MAPT: variants seen among roughly 807,000 people sequenced by gnomAD.
MAPT encodes microtubule-associated protein tau.
In MAPT, 34 loss-of-function variants were observed where a neutral mutation model predicts 67.9. That is an observed-to-expected ratio of 0.50 (90% confidence interval 0.38 to 0.67). The LOEUF (loss-of-function observed/expected upper bound fraction) is 0.67. Ranked by LOEUF, MAPT falls within the 30% of genes least tolerant of loss-of-function variation. MAPT has a pLI of 0.00. For synonymous variants in MAPT, 456 were observed against 464.5 expected (o/e 0.98, Z 0.23); for missense variants, 881 against 1,115.2 (o/e 0.79, Z 2.99).
chr17:45,972,173 T>C, intron 3 of MAPT: 1 of 683,784 alleles, frequency 1.5e-6, no homozygotes, highest in East Asian at 2.8e-5. Context: ...CAGCCACCCT[T>C]GGACAGTCCC....
intron 1 of MAPT, among the ~76,000 whole-genome samples, chr17:45,958,961 G>A (rs2070065090): frequency 6.6e-6 from 1 of 152,182 alleles, no homozygotes; most frequent in Admixed American, 6.5e-5. Context: ...TACTCGGGAG[G>A]CTGAGACAGG....
At chr17:45,969,909 G>A (rs558175763) in intron 2 of MAPT, among the ~76,000 whole-genome samples, 1 of 148,016 alleles carries the variant, frequency 6.8e-6, no homozygotes, top group East Asian at 2.1e-4. Context: ...TTATCCATTT[G>A]ATCATACATA....
Position 45,911,390 on chromosome 17 carries a change from G to A in MAPT, c.-18+16704G>A, listed in dbSNP as rs548802417. Among the ~76,000 whole-genome samples the A allele has an allele frequency of 2.6e-5, 4 of 152,344 alleles. No individual in the cohort carries two copies. The East Asian group carries it at 7.7e-4, about 29-fold the overall frequency. On this transcript the variant is annotated intron_variant, in intron 1 of 12. Coordinates refer to ENST00000262410, the MANE Select transcript of MAPT (RefSeq NM_001377265.1). ...TGCGCCTGTAGTCCCAGCTGCTGGG[G>A]AATCTGAGGCAGGAGGATCTCTTGA...
intron 1 of MAPT, chr17:45,898,883 G>A (rs1441154682): frequency 1.3e-5 from 2 of 152,216 alleles, no homozygotes; most frequent in African/African-American, 2.4e-5. Flanking sequence ...GGGAAACTGC[G>A]TTTGACTCTG....
chr17:45,974,605 G>A (rs2072122920), intron 3 of MAPT: 5 of 709,286 alleles, frequency 7.0e-6, no homozygotes, highest in South Asian at 3.4e-5. Flanking sequence ...TCTGGCTCCT[G>A]GGAATCTTGG....
intron 9 of MAPT, among the ~76,000 whole-genome samples, chr17:46,009,458 C>G (rs2075675402): frequency 8.2e-6 from 1 of 122,332 alleles, no homozygotes; most frequent in Non-Finnish European, 2.1e-5. Context: ...GAAATGCAGT[C>G]GTGGGAGACC....
intron 4 of MAPT, chr17:45,978,870 G>T (rs947385792): frequency 1.8e-4 from 30 of 164,956 alleles, no homozygotes; most frequent in Non-Finnish European, 3.8e-4. Flanking sequence ...GGGTGTGGTG[G>T]TAGGTGCCTA....
chr17:45,982,889 C>T lies in MAPT; in HGVS notation c.310C>T (p.Gln104Ter). 7.5e-7 allele frequency: 1 copy of T among 1,326,158 alleles called. No individual in the cohort carries two copies. The highest frequency in any genetic ancestry group is 2.8e-5 in the East Asian group (1 of 35,630). 82.1% of individuals were successfully genotyped at this position (1,326,158 alleles called of 1,614,324 possible). ...AGAGGAGTTGAGAGTTCCGGGCCGG[C>T]AGAGGAAGGCGCCTGAAAGGCCCCT... ...TQEELRVPGR[Q>*]RKAPERPLAN... is the part of the protein sequence containing the mutation. The change falls in exon 5 of 13, where the codon CAG (glutamine) becomes TAG (stop). Residue 104 changes from glutamine to a stop codon, truncating the protein, a stop_gained. Transcript: ENST00000262410. LOFTEE classifies it high-confidence loss of function.
intron 1 of MAPT, among the ~76,000 whole-genome samples, chr17:45,900,465 C>T (rs2143755657): frequency 6.6e-6 from 1 of 152,352 alleles, no homozygotes; most frequent in South Asian, 2.1e-4. Context: ...AAAATACAAA[C>T]TCGAACAACT....
chr17:45,969,812 T>C (rs1334666439), intron 2 of MAPT, among the ~76,000 whole-genome samples: 1 of 151,636 alleles, frequency 6.6e-6, no homozygotes, highest in Non-Finnish European at 1.5e-5. Context: ...TCATCCATCA[T>C]ACATACATCT....
intron 1 of MAPT, among the ~76,000 whole-genome samples, chr17:45,958,252 T>G (rs961492834): frequency 1.3e-5 from 2 of 152,146 alleles, no homozygotes; most frequent in Non-Finnish European, 2.9e-5. Context: ...GAAAACAGAT[T>G]TGACTATATA....
intron 9 of MAPT, among the ~76,000 whole-genome samples, chr17:46,004,625 T>G (rs930614346): frequency 6.6e-6 from 1 of 152,222 alleles, no homozygotes; most frequent in African/African-American, 2.4e-5. Flanking sequence ...TCTAAGATTC[T>G]ATAAACGGTG....
At chr17:45,972,711 A>G (rs2071845378) in intron 3 of MAPT, 1 of 155,212 alleles carries the variant, frequency 6.4e-6, no homozygotes, top group Non-Finnish European at 1.4e-5. Flanking sequence ...CATGGTTACA[A>G]AGTGGCTGCT....
At chr17:45,978,166 G>C (rs1013155075) in intron 3 of MAPT, 2 of 618,426 alleles carry the variant, frequency 3.2e-6, no homozygotes, top group African/African-American at 3.6e-5. Context: ...GCATGTGGGT[G>C]CTGTGCCTTT....
rs2074425612 is a variant in MAPT at position 45,995,834 on chromosome 17, G to A, written c.1733-565G>A. ...GCAGGAGCCCTGAACTAGCCGAACA[G>A]CTGAACAGCTGAACATTCACCCTGT... On this transcript the variant is annotated intron_variant, in intron 8 of 12. Coordinates refer to ENST00000262410, the MANE Select transcript of MAPT (RefSeq NM_001377265.1). This position sits in a 1 kb window ranked among gnomAD's most constrained non-coding sequence, Gnocchi z 4.3. Among the ~76,000 whole-genome samples the A allele has an allele frequency of 6.6e-6, 1 of 152,184 alleles. No individual in the cohort carries two copies. Among genetic ancestry groups the A allele is most frequent in the Non-Finnish European group, 1.5e-5 (1 of 68,048 alleles).
At chr17:45,941,725 T>TCCTTCCTGCCTTCCTG (rs1568208394) in intron 1 of MAPT, among the ~76,000 whole-genome samples, 1 of 123,336 alleles carries the variant, frequency 8.1e-6, no homozygotes, top group African/African-American at 3.1e-5. Flanking sequence ...CTTCCTTCCT[T>TCCTTCCTGCCTTCCTG]CCTTCCTTCC....
At position 46,010,478 on chromosome 17, in the gene MAPT, C is replaced by T. The variant is rs536874815; in HGVS notation, c.2091+76C>T. 1.6e-4 allele frequency: 158 copies of T among 995,196 alleles called. 1 individual carries two copies. The African/African-American group carries it at 2.3e-3, about 14-fold the overall frequency. The allele number at this position is 995,196 out of a possible 1,614,324, so 61.6% of individuals were successfully genotyped here. ...GAAGTGGTGTGAGTGCGTACACTTG[C>T]GAGACACTGCATAGAATAAATCCTT... is the stretch of plus-strand genomic sequence containing the variant. On this transcript the variant is annotated intron_variant, in intron 10 of 12. Transcript: ENST00000262410. The surrounding 1 kb of genome is among the most constrained non-coding windows in gnomAD (Gnocchi z 4.7).
intron 3 of MAPT, chr17:45,976,352 G>GTGC (rs2072347796): frequency 6.6e-6 from 1 of 152,176 alleles, no homozygotes; most frequent in Admixed American, 6.5e-5. Flanking sequence ...TGAAACAGTT[G>GTGC]TGCTGGGACT....
chr17:45,956,600 A>T (rs12938496), intron 1 of MAPT, among the ~76,000 whole-genome samples: 51,331 of 102,352 alleles, frequency 0.5, 10,066 homozygotes, highest in South Asian at 0.57. Context: ...ATATATATAT[A>T]TTTTTTATTA....
Sources: gnomAD v4.1 joint callset for allele counts (sites outside exome capture counted in the v4.1 genomes callset) on GRCh38, gnomAD v4.1.1 for gene constraint, Gnocchi (gnomAD v3.1) non-coding constraint, MANE v1.5 for transcripts, NCBI Gene and HGNC (gene_info 2026-07-23, HGNC 2026-07-21) for gene names.